MEIKIN: variants seen among roughly 807,000 people sequenced by gnomAD.
The protein encoded by MEIKIN is meiotic kinetochore factor, also known as meiosis-specific kinetochore protein.
At chr5:131,887,802 C>G (rs1347193349) in intron 8 of MEIKIN, among the ~76,000 whole-genome samples, 2 of 151,116 alleles carry the variant, frequency 1.3e-5, no homozygotes, top group Non-Finnish European at 2.9e-5. Flanking sequence ...TGGTGTGCTG[C>G]ACCCATTAAC....
chr5:131,830,791 G>A (rs1180049295), intron 11 of MEIKIN, among the ~76,000 whole-genome samples: 1 of 152,182 alleles, frequency 6.6e-6, no homozygotes, highest in African/African-American at 2.4e-5. Context: ...CACAAGAGAT[G>A]AGTGGAAGTC....
At chr5:131,920,063 A>G (rs1751479034) in intron 6 of MEIKIN, among the ~76,000 whole-genome samples, 1 of 152,228 alleles carries the variant, frequency 6.6e-6, no homozygotes, top group South Asian at 2.1e-4. Flanking sequence ...GGATGCTGTA[A>G]TGCTAAAGAC....
In MEIKIN at chr5:131,814,011, T is replaced by C. The variant is rs144434290; in HGVS notation, c.1099+4729A>G. Reference sequence around the variant, plus strand: ...ATCCAGCATCAGAGAAAGATGTAGGTTGGGAGGCTAAACCAGTCTAATCTT... The same window carrying C: ...ATCCAGCATCAGAGAAAGATGTAGGCTGGGAGGCTAAACCAGTCTAATCTT... On this transcript the variant is annotated intron_variant, in intron 12 of 12. Coordinates refer to ENST00000442687, the MANE Select transcript of MEIKIN (RefSeq NM_001303622.2). Among the ~76,000 whole-genome samples the C allele has an allele frequency of 1.6e-3, 243 of 151,968 alleles. 1 individual carries two copies. The highest frequency in any genetic ancestry group is 5.6e-3 in the African/African-American group (234 of 41,450).
chr5:131,807,348 T>G (rs1343157893), intron 12 of MEIKIN, 90 bp from the exon 13 acceptor site: 2 of 396,822 alleles, frequency 5.0e-6, no homozygotes, highest in South Asian at 2.7e-4. Flanking sequence ...AGAGAGCACT[T>G]AATGCCCAGG....
At chr5:131,812,169 C>T (rs1772970221) in intron 12 of MEIKIN, among the ~76,000 whole-genome samples, 1 of 152,146 alleles carries the variant, frequency 6.6e-6, no homozygotes, top group Non-Finnish European at 1.5e-5. Context: ...GGGTCTGGCA[C>T]CCTTTGTTAA....
At chr5:131,876,445 G>C (rs1358417181) in intron 9 of MEIKIN, among the ~76,000 whole-genome samples, 1 of 149,854 alleles carries the variant, frequency 6.7e-6, no homozygotes, top group Non-Finnish European at 1.5e-5. Context: ...ACCACAATGA[G>C]ATACCATCTC....
chr5:131,848,801 A>T (rs1024003856), intron 11 of MEIKIN, among the ~76,000 whole-genome samples: 1 of 152,224 alleles, frequency 6.6e-6, no homozygotes, highest in African/African-American at 2.4e-5. Context: ...ATTCAGCAGC[A>T]TATTAAAATT....
intron 9 of MEIKIN, among the ~76,000 whole-genome samples, chr5:131,861,995 C>T (rs1425343905): frequency 6.6e-6 from 1 of 152,132 alleles, no homozygotes; most frequent in Non-Finnish European, 1.5e-5. Context: ...CCCTCCTCTT[C>T]AACTTTTTGA....
intron 11 of MEIKIN, among the ~76,000 whole-genome samples, chr5:131,833,995 T>A (rs569546873): frequency 1.3e-5 from 2 of 152,324 alleles, no homozygotes; most frequent in African/African-American, 4.8e-5. Flanking sequence ...TCAGACACAC[T>A]CTACCTACCT....
At position 131,889,923 on chromosome 5, in the gene MEIKIN, G is replaced by C. The variant is rs193114685; in HGVS notation, c.704-10875C>G. On this transcript the variant is annotated intron_variant, in intron 8 of 12. Coordinates refer to ENST00000442687, the MANE Select transcript of MEIKIN (RefSeq NM_001303622.2). ...TTTATTGAGAGTTTTTAGCAAGAAG[G>C]GTTGTTGAATTTTGTCAAAGGCCTT... Among the ~76,000 whole-genome samples the C allele has an allele frequency of 9.0e-4, 137 of 152,184 alleles. 2 individuals carry two copies. In the East Asian group the frequency reaches 0.018, roughly 20 times the overall value.
At position 131,914,383 on chromosome 5, in the gene MEIKIN, CAA is replaced by C. The variant is rs373552501; in HGVS notation, c.638+2501_638+2502del. Among the ~76,000 whole-genome samples the C allele has an allele frequency of 5.0e-3, 466 of 92,552 alleles. 1 individual carries two copies. The highest frequency in any genetic ancestry group is 0.014 in the African/African-American group (379 of 27,808). The allele number at this position is 92,552 out of a possible 152,430, so 60.7% of individuals were successfully genotyped here. A position where few individuals can be genotyped will look rare whatever the true frequency, so the allele number is the denominator to read the frequency against. On this transcript the variant is annotated intron_variant, in intron 7 of 12. Coordinates refer to ENST00000442687, the MANE Select transcript of MEIKIN (RefSeq NM_001303622.2). ...TGGGCAACAGAGTAAGACTCTGTCT[CAA>C]AAAAAAAAAAAAAGAAAGAAAGAAA...
chr5:131,835,260 T>C (rs187866534), intron 11 of MEIKIN, among the ~76,000 whole-genome samples: 7 of 149,638 alleles, frequency 4.7e-5, no homozygotes, highest in Admixed American at 2.6e-4. Flanking sequence ...ATATGATATA[T>C]GATATCAACT....
chr5:131,809,948 C>A (rs942178841), intron 12 of MEIKIN, among the ~76,000 whole-genome samples: 1 of 152,144 alleles, frequency 6.6e-6, no homozygotes, highest in African/African-American at 2.4e-5. Context: ...TTATATGTCA[C>A]ACTCTTTACA....
chr5:131,817,708 G>A (rs1388024982), intron 12 of MEIKIN, among the ~76,000 whole-genome samples: 1 of 151,978 alleles, frequency 6.6e-6, no homozygotes, highest in Non-Finnish European at 1.5e-5. Context: ...AGTATCAAAT[G>A]AGTAGCACTG....
chr5:131,818,540 C>G (rs1468022956), intron 12 of MEIKIN, among the ~76,000 whole-genome samples, 200 bp downstream of exon 12: 2 of 152,138 alleles, frequency 1.3e-5, no homozygotes, highest in Non-Finnish European at 2.9e-5. Flanking sequence ...CCTGCCTGAG[C>G]TATCCAAAGT....
chr5:131,915,622 C>T (rs1367523145), intron 7 of MEIKIN, among the ~76,000 whole-genome samples: 1 of 152,126 alleles, frequency 6.6e-6, no homozygotes, highest in Non-Finnish European at 1.5e-5. Context: ...ATATGATCAC[C>T]TACCAATATG....
chr5:131,907,210 C>G (rs963815895), intron 8 of MEIKIN, among the ~76,000 whole-genome samples: 1 of 152,008 alleles, frequency 6.6e-6, no homozygotes, highest in East Asian at 1.9e-4. Flanking sequence ...GGGAAATTTA[C>G]AGTTACAAAT....
At chr5:131,934,250 C>T (rs1441061562) in intron 4 of MEIKIN, among the ~76,000 whole-genome samples, 5 of 151,934 alleles carry the variant, frequency 3.3e-5, no homozygotes, top group Non-Finnish European at 5.9e-5. Context: ...CGTGAGCCAC[C>T]GTGCCCAGCC....
At chr5:131,940,191 C>A (rs1045550045) in intron 4 of MEIKIN, among the ~76,000 whole-genome samples, 4 of 152,086 alleles carry the variant, frequency 2.6e-5, no homozygotes, top group African/African-American at 7.2e-5. Context: ...AGAGGCTTCC[C>A]AGGAGAAATA....
Sources: allele counts gnomAD v4.1 joint callset (sites outside exome capture counted in the v4.1 genomes callset), GRCh38; gene constraint gnomAD v4.1.1; transcripts MANE v1.5; gene names NCBI Gene and HGNC (gene_info 2026-07-23, HGNC 2026-07-21).